Variants in WASF2 observed in about 807,000 individuals in gnomAD.
The protein encoded by WASF2 is WASP family member 2.
A neutral mutation model predicts 45.0 loss-of-function variants in WASF2; 14 were observed. The observed-to-expected ratio is 0.31, with a 90% CI of 0.21 to 0.49. The LOEUF is 0.49. WASF2 is among the 20% of genes least tolerant of loss of function. WASF2 has a pLI of 0.99. For synonymous variants in WASF2, 200 were observed against 236.3 expected, an observed-to-expected ratio of 0.85 and a Z score of 1.41; for missense variants, 439 against 636.1, an observed-to-expected ratio of 0.69 and a Z score of 3.33.
chr1:27,444,306 C>G (rs1270384247), intron 1 of WASF2, among the ~76,000 whole-genome samples: 1 of 152,102 alleles, frequency 6.6e-6, no homozygotes, highest in African/African-American at 2.4e-5. Flanking sequence ...TCTCAAACTC[C>G]TGAATTCAAG....
At chr1:27,454,180 TA>T (rs2017432264) in intron 1 of WASF2, among the ~76,000 whole-genome samples, 31 of 8,762 alleles carry the variant, frequency 3.5e-3, no homozygotes, top group Non-Finnish European at 5.5e-3. Context: ...TATATATATA[TA>T]TATATATTTT....
rs1429853818 is a variant in WASF2, at chr1:27,477,909, A to T, written c.-44+12077T>A. Among the ~76,000 whole-genome samples the T allele has an allele frequency of 1.8e-4, 18 of 99,868 alleles. 6 individuals carry two copies. Among genetic ancestry groups the T allele is most frequent in the African/African-American group, 1.1e-3 (18 of 15,682 alleles). The allele number at this position is 99,868 out of a possible 152,430, so 65.5% of individuals were successfully genotyped here. On this transcript the variant is annotated intron_variant, in intron 1 of 8. Transcript: ENST00000618852. Reference sequence around the variant, plus strand: ...GCGAGACTCCGTCTCAAAAAAAAAAAATAAATAAATAAAAAAAAAAATAAA... The same window carrying T: ...GCGAGACTCCGTCTCAAAAAAAAAATATAAATAAATAAAAAAAAAAATAAA...
At chr1:27,442,448 G>A (rs554950155) in intron 1 of WASF2, among the ~76,000 whole-genome samples, 3 of 151,286 alleles carry the variant, frequency 2.0e-5, no homozygotes, top group East Asian at 4.0e-4. Flanking sequence ...GGAGGCTGAG[G>A]CAGAAGAATC....
In WASF2 at chr1:27,407,497, C is replaced by A. The variant is rs998663557; in HGVS notation, c.*692G>T. 1 of 152,666 alleles carries A rather than the reference C, an allele frequency of 6.6e-6. No homozygotes were observed. Among genetic ancestry groups the A allele is most frequent in the African/African-American group, 2.4e-5 (1 of 41,436 alleles). 9.5% of individuals were successfully genotyped at this position (152,666 alleles called of 1,614,324 possible). ...GTATCTAGAGGTGGTGGTGGTGCATCCTGAACACCATACTCACCAAAGGGA... is the reference window on the plus strand; with the variant it reads ...GTATCTAGAGGTGGTGGTGGTGCATACTGAACACCATACTCACCAAAGGGA... On this transcript the variant is annotated 3_prime_UTR_variant, in exon 9 of 9. Coordinates refer to ENST00000618852, the MANE Select transcript of WASF2 (RefSeq NM_006990.5).
intron 1 of WASF2, among the ~76,000 whole-genome samples, chr1:27,484,814 A>AAAAAAAAAAAAAAG (rs1453867723): frequency 6.6e-6 from 1 of 151,256 alleles, no homozygotes; most frequent in African/African-American, 2.5e-5. Flanking sequence ...TCTGTCTCAA[A>AAAAAAAAAAAAAAG]AAAAAAAAGA....
At chr1:27,470,757 G>C (rs1318370786) in intron 1 of WASF2, among the ~76,000 whole-genome samples, 2 of 152,114 alleles carry the variant, frequency 1.3e-5, no homozygotes, top group Non-Finnish European at 2.9e-5. Flanking sequence ...ATGCTGCCCA[G>C]GAGTGCTATG....
In WASF2 at chr1:27,426,417, C is replaced by A. The variant is rs552640316; in HGVS notation, c.130+2344G>T. Among the ~76,000 whole-genome samples, 4 of 152,030 alleles carry A rather than the reference C, an allele frequency of 2.6e-5. No individual in the cohort carries two copies. In the South Asian group the frequency reaches 8.3e-4, roughly 32 times the overall value. On this transcript the variant is annotated intron_variant, in intron 2 of 8. Transcript: ENST00000618852. ...ACCAGGGCAATATTGGCAGAGACAG[C>A]GAGTAAGGGACAGAGCTGAGAAATC...
At chr1:27,467,803 T>C (rs541707527) in intron 1 of WASF2, among the ~76,000 whole-genome samples, 2 of 151,852 alleles carry the variant, frequency 1.3e-5, no homozygotes, top group African/African-American at 4.8e-5. Context: ...TCCCAGCTAC[T>C]GGGGAGGCTG....
chr1:27,454,438 C>A (rs2017440150), intron 1 of WASF2, among the ~76,000 whole-genome samples: 1 of 151,286 alleles, frequency 6.6e-6, no homozygotes, highest in South Asian at 2.1e-4. Flanking sequence ...CAGCCTCAAA[C>A]TCCTGGGCTC....
chr1:27,485,884 G>C (rs926553154), intron 1 of WASF2, among the ~76,000 whole-genome samples: 3 of 152,088 alleles, frequency 2.0e-5, no homozygotes. Context: ...GCTAATTTTT[G>C]TATTTTTAGT....
chr1:27,438,900 C>T (rs930963283), intron 1 of WASF2, among the ~76,000 whole-genome samples: 1 of 152,228 alleles, frequency 6.6e-6, no homozygotes, highest in Non-Finnish European at 1.5e-5. Context: ...GACTAAGAGT[C>T]AGCAGCAAAG....
intron 6 of WASF2, among the ~76,000 whole-genome samples, chr1:27,413,411 A>G (rs1041334139): frequency 5.3e-5 from 8 of 152,206 alleles, no homozygotes; most frequent in African/African-American, 1.9e-4. Flanking sequence ...TACACCAAGC[A>G]TCAGCTAGCA....
chr1:27,439,626 G>C (rs2017181563), intron 1 of WASF2, among the ~76,000 whole-genome samples: 1 of 152,176 alleles, frequency 6.6e-6, no homozygotes, highest in African/African-American at 2.4e-5. Context: ...CAAATAAATA[G>C]AAGTTCAATT....
chr1:27,474,009 G>A (rs2017730450), intron 1 of WASF2, among the ~76,000 whole-genome samples: 1 of 152,154 alleles, frequency 6.6e-6, no homozygotes, highest in African/African-American at 2.4e-5. Context: ...CAGAGTACCT[G>A]GAGGGAAACC....
At chr1:27,462,145 T>G (rs990657184) in intron 1 of WASF2, among the ~76,000 whole-genome samples, 1 of 151,818 alleles carries the variant, frequency 6.6e-6, no homozygotes, top group Non-Finnish European at 1.5e-5. Context: ...TCCCGGCGAA[T>G]TTTTGTATTT....
chr1:27,425,476 T>A (rs1208605350), intron 2 of WASF2, among the ~76,000 whole-genome samples: 1 of 150,912 alleles, frequency 6.6e-6, no homozygotes, highest in East Asian at 2.0e-4. Flanking sequence ...GCTGAGGCGG[T>A]TGGATCACCT....
intron 1 of WASF2, among the ~76,000 whole-genome samples, chr1:27,452,774 C>A (rs2017401822): frequency 6.6e-6 from 1 of 151,254 alleles, no homozygotes; most frequent in African/African-American, 2.4e-5. Context: ...TGAGATCACA[C>A]CACCGCACTC....
intron 5 of WASF2, 116 bp from the exon 6 acceptor site, chr1:27,415,079 A>G (rs1051313876): frequency 2.3e-6 from 3 of 1,313,996 alleles, no homozygotes; most frequent in African/African-American, 1.5e-5. Flanking sequence ...ACAACATACA[A>G]TAACTACAGA....
Position 27,475,055 on chromosome 1 carries a change from G to A in WASF2, c.-44+14931C>T, listed in dbSNP as rs533039246. Among the ~76,000 whole-genome samples, 3 of 152,210 alleles carry A rather than the reference G, an allele frequency of 2.0e-5. No individual in the cohort carries two copies. The South Asian group carries it at 6.2e-4, about 32-fold the overall frequency. On this transcript the variant is annotated intron_variant, in intron 1 of 8. Transcript: ENST00000618852. Reference sequence around the variant, plus strand: ...TTTGGGAGGCTGAGGCAGGAGGACTGCTTGAGGCCAGGGGTTCAAGACCAG... The same window carrying A: ...TTTGGGAGGCTGAGGCAGGAGGACTACTTGAGGCCAGGGGTTCAAGACCAG...
Sources: gnomAD v4.1 joint callset for allele counts (sites outside exome capture counted in the v4.1 genomes callset) on GRCh38, gnomAD v4.1.1 for gene constraint, MANE v1.5 for transcripts, NCBI Gene and HGNC (gene_info 2026-07-23, HGNC 2026-07-21) for gene names.